TMEM210: variants seen among roughly 807,000 people sequenced by gnomAD.
TMEM210 encodes the protein transmembrane protein 210.
Under a neutral mutation model 10.3 loss-of-function variants are expected in TMEM210, and 7 were observed. The observed-to-expected ratio is 0.68, with a 90% CI of 0.39 to 1.28. The LOEUF is 1.28. TMEM210 is among the 50% of genes most tolerant of loss of function. The pLI is 0.01. For missense variants in TMEM210, 185 were observed against 197.8 expected, an observed-to-expected ratio of 0.94 and a Z score of 0.39; for synonymous variants, 79 against 81.2, an observed-to-expected ratio of 0.97 and a Z score of 0.14.
Position 137,170,953 on chromosome 9 carries a change from T to A in TMEM210, c.*22A>T. ...GCCACTAAATACGCTTTAATTCCCC[T>A]CCCCCAGCTGCCCTCAGCCCTCTAC... On this transcript the variant is annotated 3_prime_UTR_variant, in exon 4 of 4. Coordinates refer to ENST00000413619, the MANE Select transcript of TMEM210 (RefSeq NM_001282477.2). 1 of 1,525,400 alleles carries A rather than the reference T, an allele frequency of 6.6e-7. No homozygotes were observed. Among genetic ancestry groups the A allele is most frequent in the Admixed American group, 2.0e-5 (1 of 50,146 alleles). 94.5% of individuals were successfully genotyped at this position (1,525,400 alleles called of 1,614,324 possible).
chr9:137,171,786 C>G lies in TMEM210; in HGVS notation c.89-10G>C. 1 of 1,524,754 alleles carries G rather than the reference C, an allele frequency of 6.6e-7. No individual in the cohort carries two copies. Among genetic ancestry groups the G allele is most frequent in the South Asian group, 1.2e-5 (1 of 82,674 alleles). 94.5% of individuals were successfully genotyped at this position (1,524,754 alleles called of 1,614,324 possible). On this transcript the variant is annotated splice_polypyrimidine_tract_variant and intron_variant, in intron 1 of 3. Coordinates refer to ENST00000413619, the MANE Select transcript of TMEM210 (RefSeq NM_001282477.2). ...TCACAGTAGGTTCCAGCTGCAGAGA[C>G]AGGGCCACATGGCCATGGGCCGGTC...
At position 137,171,132 on chromosome 9, in the gene TMEM210, A is replaced by C. The variant is rs2131323421; in HGVS notation, c.287T>G (p.Leu96Arg). Residue 96 changes from leucine (L) to arginine (R), a missense_variant, in exon 4 of 4, where the codon CTC becomes CGC. Transcript: ENST00000413619. ...CACGTAAACCGGGTGCAGGTCCATGAGATCTTCCTGGACCCCAAAATTCTC... is the reference window on the plus strand; with the variant it reads ...CACGTAAACCGGGTGCAGGTCCATGCGATCTTCCTGGACCCCAAAATTCTC... ...LVENFGVQED[L>R]MDLHPVYVES... 2 of 1,535,308 alleles carry C rather than the reference A, an allele frequency of 1.3e-6. No homozygotes were observed. The highest frequency in any genetic ancestry group is 2.7e-5 in the African/African-American group (2 of 73,080).
At chr9:137,171,853 A>T (rs1372387283) in intron 1 of TMEM210, 77 bp from the exon 2 acceptor site, 24 of 1,445,936 alleles carry the variant, frequency 1.7e-5, no homozygotes, top group Non-Finnish European at 2.0e-5. Context: ...CTGCCCTGGT[A>T]GCCACCAGAA....
Position 137,171,416 on chromosome 9 carries a change from GT to G in TMEM210, c.251del (p.Asn84ThrfsTer25). ...TCGAGGGCCTCCCTGGTGCTCACCT[GT>G]TGTCCACTTGTCTCGGGCATGTTTC... ...KGETCPRQVD[N>X]RLVENFGVQE... On this transcript the variant is annotated frameshift_variant, in exon 3 of 4. Transcript: ENST00000413619. LOFTEE classifies it low-confidence loss of function (END_TRUNC). 1 of 1,535,606 alleles carries G rather than the reference GT, an allele frequency of 6.5e-7. No individual in the cohort carries two copies. The highest frequency in any genetic ancestry group is 8.7e-7 in the Non-Finnish European group (1 of 1,146,652).
chr9:137,171,454 G>A lies in TMEM210; in HGVS notation c.225-11C>T, dbSNP rs1045568090. ...CTCGGGCATGTTTCACTGAGGGGAC[G>A]AAGGCCAACATGAGTCCTGGAACAG... On this transcript the variant is annotated splice_polypyrimidine_tract_variant and intron_variant, in intron 2 of 3. Coordinates refer to ENST00000413619, the MANE Select transcript of TMEM210 (RefSeq NM_001282477.2). 27 of 1,535,398 alleles carry A rather than the reference G, an allele frequency of 1.8e-5. No individual in the cohort carries two copies. Among genetic ancestry groups the A allele is most frequent in the Admixed American group, 5.9e-5 (3 of 50,960 alleles).
At chr9:137,171,491 C>A in intron 2 of TMEM210, 48 bp from the exon 3 acceptor site, 1 of 1,535,344 alleles carries the variant, frequency 6.5e-7, no homozygotes, top group South Asian at 1.2e-5. Context: ...GCTGGGCCCC[C>A]GGAGCTCCCC....
At position 137,172,019 on chromosome 9, in the gene TMEM210, G is replaced by A. The variant is rs774561193; in HGVS notation, c.9C>T (p.Pro3=). Residue 3 remains proline (P), a synonymous_variant, in exon 1 of 4, where the codon CCC becomes CCT. Transcript: ENST00000413619. MA[P]GPWPVSCLRG... is the part of the protein sequence containing the mutation. ...GCAGGCAGGACACAGGCCAGGGACCGGGGGCCATGTCCAGCCCTGGCCCCA... is the reference window on the plus strand; with the variant it reads ...GCAGGCAGGACACAGGCCAGGGACCAGGGGCCATGTCCAGCCCTGGCCCCA... The A allele has an allele frequency of 2.6e-5, 36 of 1,398,726 alleles. No homozygotes were observed. Among genetic ancestry groups the A allele is most frequent in the Middle Eastern group, 1.8e-4 (1 of 5,432 alleles). The allele number at this position is 1,398,726 out of a possible 1,614,324, so 86.6% of individuals were successfully genotyped here.
At position 137,171,432 on chromosome 9, in the gene TMEM210, G is replaced by T; in HGVS notation, c.236C>A (p.Pro79Gln). Reference protein sequence around the residue: ...GVLRAKGETCPRQVDNRLVEN... With the variant: ...GVLRAKGETCQRQVDNRLVEN... ...TGCTCACCTGTTGTCCACTTGTCTC[G>T]GGCATGTTTCACTGAGGGGACGAAG... The change falls in exon 3 of 4, where the codon CCG (proline) becomes CAG (glutamine). Residue 79 changes from proline (P) to glutamine (Q), a missense_variant. Coordinates refer to ENST00000413619, the MANE Select transcript of TMEM210 (RefSeq NM_001282477.2). The T allele has an allele frequency of 6.5e-7, 1 of 1,535,572 alleles. No homozygotes were observed. Among genetic ancestry groups the T allele is most frequent in the Non-Finnish European group, 8.7e-7 (1 of 1,146,620 alleles).
chr9:137,171,672 TGAC>T lies in TMEM210; in HGVS notation c.190_192del (p.Val64del). On this transcript the variant is annotated inframe_deletion, in exon 2 of 4. Transcript: ENST00000413619. Reference sequence around the variant, plus strand: ...GCCCGCAAGACACCAATTGCCACGATGACGAGGGCACAGAAGCAGCTGGCACTG... The same window carrying T: ...GCCCGCAAGACACCAATTGCCACGATGAGGGCACAGAAGCAGCTGGCACTG... 3.3e-6 allele frequency: 5 copies of T among 1,535,384 alleles called. No homozygotes were observed. Among genetic ancestry groups the T allele is most frequent in the Non-Finnish European group, 4.4e-6 (5 of 1,146,506 alleles).
In TMEM210 at chr9:137,170,902, A is replaced by AGGG; in HGVS notation, c.*70_*72dup. Reference sequence around the variant, plus strand: ...TTCCCCTCCCCCAGCTGCCCTCAGGAGGGCCTGCAGGGAGGACAGTGCACA... The same window carrying AGGG: ...TTCCCCTCCCCCAGCTGCCCTCAGGAGGGGGGCCTGCAGGGAGGACAGTGCACA... On this transcript the variant is annotated 3_prime_UTR_variant, in exon 4 of 4. Transcript: ENST00000413619. The AGGG allele has an allele frequency of 1.4e-6, 2 of 1,415,052 alleles. No individual in the cohort carries two copies. Among genetic ancestry groups the AGGG allele is most frequent in the Non-Finnish European group, 1.9e-6 (2 of 1,065,358 alleles). 87.7% of individuals were successfully genotyped at this position (1,415,052 alleles called of 1,614,324 possible). A position where few individuals can be genotyped will look rare whatever the true frequency, so the allele number is the denominator to read the frequency against.
In TMEM210 at chr9:137,171,412, A is replaced by G; in HGVS notation, c.254+2T>C. ...TCCCTCGAGGGCCTCCCTGGTGCTC[A>G]CCTGTTGTCCACTTGTCTCGGGCAT... is the stretch of plus-strand genomic sequence containing the variant. On this transcript the variant is annotated splice_donor_variant, in intron 3 of 3. Coordinates refer to ENST00000413619, the MANE Select transcript of TMEM210 (RefSeq NM_001282477.2). LOFTEE classifies it high-confidence loss of function. The G allele has an allele frequency of 1.3e-6, 2 of 1,535,114 alleles. No individual in the cohort carries two copies. Among genetic ancestry groups the G allele is most frequent in the Non-Finnish European group, 1.7e-6 (2 of 1,146,512 alleles).
At chr9:137,171,333 G>C (rs190253350) in intron 3 of TMEM210, 81 bp downstream of exon 3, 4 of 1,526,704 alleles carry the variant, frequency 2.6e-6, no homozygotes, top group Non-Finnish European at 3.5e-6. Context: ...CCTCCTCCAG[G>C]GACTCCCCTG....
rs1313686116 is a variant in TMEM210, at chr9:137,171,678, G to A, written c.187C>T (p.Leu63Phe). 2.0e-6 allele frequency: 3 copies of A among 1,535,234 alleles called. No individual in the cohort carries two copies. Among genetic ancestry groups the A allele is most frequent in the African/African-American group, 2.7e-5 (2 of 73,044 alleles). Residue 63 changes from leucine to phenylalanine, a missense_variant, in exon 2 of 4, where the codon CTC (leucine) becomes TTC (phenylalanine). Leu to Phe is a conservative substitution (Grantham distance 22). Coordinates refer to ENST00000413619, the MANE Select transcript of TMEM210 (RefSeq NM_001282477.2). ...AGISASCFCALVIVAIGVLRA... is the reference protein window; with the variant it reads ...AGISASCFCAFVIVAIGVLRA... ...AAGACACCAATTGCCACGATGACGA[G>A]GGCACAGAAGCAGCTGGCACTGATG...
chr9:137,172,002 G>A lies in TMEM210; in HGVS notation c.26C>T (p.Ser9Phe). Reference sequence around the variant, plus strand: ...GCCCAAGGGGCCACCACGCAGGCAGGACACAGGCCAGGGACCGGGGGCCAT... The same window carrying A: ...GCCCAAGGGGCCACCACGCAGGCAGAACACAGGCCAGGGACCGGGGGCCAT... MAPGPWPVSCLRGGPLGLT... is the reference protein window; with the variant it reads MAPGPWPVFCLRGGPLGLT... Residue 9 changes from serine to phenylalanine, a missense_variant, in exon 1 of 4, where the codon TCC becomes TTC. Coordinates refer to ENST00000413619, the MANE Select transcript of TMEM210 (RefSeq NM_001282477.2). The A allele has an allele frequency of 9.2e-6, 13 of 1,412,924 alleles. No homozygotes were observed. Among genetic ancestry groups the A allele is most frequent in the Non-Finnish European group, 1.2e-5 (13 of 1,087,726 alleles). 87.5% of individuals were successfully genotyped at this position (1,412,924 alleles called of 1,614,324 possible).
rs769066810 is a variant in TMEM210, at chr9:137,172,018, C to G, written c.10G>C (p.Gly4Arg). Residue 4 changes from glycine to arginine, a missense_variant, in exon 1 of 4, where the codon GGT (glycine) becomes CGT (arginine). Transcript: ENST00000413619. The part of the protein sequence containing the change: MAP[G>R]PWPVSCLRGG... ...CGCAGGCAGGACACAGGCCAGGGAC[C>G]GGGGGCCATGTCCAGCCCTGGCCCC... 1.4e-6 allele frequency: 2 copies of G among 1,398,260 alleles called. No individual in the cohort carries two copies. Among genetic ancestry groups the G allele is most frequent in the Non-Finnish European group, 9.3e-7 (1 of 1,080,210 alleles). The allele number at this position is 1,398,260 out of a possible 1,614,324, so 86.6% of individuals were successfully genotyped here.
rs2131323344 is a variant in TMEM210, at chr9:137,171,074, G to A, written c.345C>T (p.Val115=). Residue 115 remains valine, a synonymous_variant, in exon 4 of 4, where the codon GTC becomes GTT. Coordinates refer to ENST00000413619, the MANE Select transcript of TMEM210 (RefSeq NM_001282477.2). ...GATCCTCTAGTGGTGGCACCAGGGAGACCTCCAGGTCAGCGTCCATTAGCT... is the reference window on the plus strand; with the variant it reads ...GATCCTCTAGTGGTGGCACCAGGGAAACCTCCAGGTCAGCGTCCATTAGCT... ...ESQLMDADLE[V]SLVPPLEDQS... The A allele has an allele frequency of 1.3e-6, 2 of 1,535,384 alleles. No individual in the cohort carries two copies. The highest frequency in any genetic ancestry group is 3.9e-5 in the Admixed American group (2 of 50,960).
chr9:137,170,954 C>T lies in TMEM210; in HGVS notation c.*21G>A. On this transcript the variant is annotated 3_prime_UTR_variant, in exon 4 of 4. Coordinates refer to ENST00000413619, the MANE Select transcript of TMEM210 (RefSeq NM_001282477.2). ...CCACTAAATACGCTTTAATTCCCCT[C>T]CCCCAGCTGCCCTCAGCCCTCTACT... 4 of 1,526,214 alleles carry T rather than the reference C, an allele frequency of 2.6e-6. No individual in the cohort carries two copies. Among genetic ancestry groups the T allele is most frequent in the East Asian group, 2.5e-5 (1 of 40,698 alleles). The allele number at this position is 1,526,214 out of a possible 1,614,324, so 94.5% of individuals were successfully genotyped here.
At chr9:137,171,834 A>C (rs1834115271) in intron 1 of TMEM210, 58 bp from the exon 2 acceptor site, 1 of 1,467,620 alleles carries the variant, frequency 6.8e-7, no homozygotes, top group African/African-American at 1.4e-5. Flanking sequence ...AGGGCCCCCA[A>C]GTCTGCCCCT....
rs1834111590 is a variant in TMEM210, at chr9:137,171,693, T to C, written c.172A>G (p.Ser58Gly). The stretch of plus-strand genomic sequence containing the variant: ...ACGATGACGAGGGCACAGAAGCAGC[T>C]GGCACTGATGCCCGCCAGCACCACA... ...LLVVLAGISA[S>G]CFCALVIVAI... Residue 58 changes from serine to glycine, a missense_variant, in exon 2 of 4, where the codon AGC (serine) becomes GGC (glycine). By Grantham distance (56) the Ser-to-Gly change is moderately conservative. Transcript: ENST00000413619. 1 of 1,535,554 alleles carries C rather than the reference T, an allele frequency of 6.5e-7. No individual in the cohort carries two copies. Among genetic ancestry groups the C allele is most frequent in the Non-Finnish European group, 8.7e-7 (1 of 1,146,614 alleles).
Sources: allele counts gnomAD v4.1 joint callset, GRCh38; gene constraint gnomAD v4.1.1; transcripts MANE v1.5; gene names NCBI Gene and HGNC (gene_info 2026-07-23, HGNC 2026-07-21).